COL15A1: variants seen among roughly 807,000 people sequenced by gnomAD.
COL15A1 encodes the protein collagen alpha-1(XV) chain.
In COL15A1, 111 loss-of-function variants were observed where a neutral mutation model predicts 165.9. The ratio of observed to expected loss-of-function variants is 0.67; its 90% CI spans 0.57 to 0.78. The LOEUF is 0.78. Ranked by LOEUF, COL15A1 falls within the 30% of genes least tolerant of loss-of-function variation. COL15A1 has a pLI of 0.00. For synonymous variants in COL15A1, 659 were observed against 674.8 expected, an observed-to-expected ratio of 0.98 and a Z score of 0.36; for missense variants, 1,745 against 1,789.7, an observed-to-expected ratio of 0.98 and a Z score of 0.45.
In COL15A1 at chr9:98,998,179, A is replaced by G. The variant is rs144802579; in HGVS notation, c.952+1098A>G. ...TCACATATTAGACGTAATATTCATC[A>G]AAATGTTATAAGCAGTTATCTCTGA... On this transcript the variant is annotated intron_variant, in intron 6 of 41. Coordinates refer to ENST00000375001, the MANE Select transcript of COL15A1 (RefSeq NM_001855.5). Among the ~76,000 whole-genome samples, 307 of 152,372 alleles carry G rather than the reference A, an allele frequency of 2.0e-3. 1 individual carries two copies. The highest frequency in any genetic ancestry group is 6.6e-3 in the African/African-American group (276 of 41,590).
chr9:99,051,729 A>G (rs1021059890), intron 30 of COL15A1, among the ~76,000 whole-genome samples: 1 of 152,174 alleles, frequency 6.6e-6, no homozygotes, highest in African/African-American at 2.4e-5. Flanking sequence ...CATACGGATG[A>G]CTTTGATTCT....
chr9:99,054,104 G>A (rs374725339), intron 31 of COL15A1, among the ~76,000 whole-genome samples: 2 of 152,230 alleles, frequency 1.3e-5, no homozygotes, highest in African/African-American at 2.4e-5. Flanking sequence ...AACTTTGTAC[G>A]TAGAAAACTT....
In COL15A1 at chr9:98,986,916, C is replaced by T. The variant is rs1411995987; in HGVS notation, c.649-378C>T. ...GAGGCTGTGGTAGCCCTTCTTGGGACGAGGCCTTCAAACTCAGAAGCATTG... is the reference window on the plus strand; with the variant it reads ...GAGGCTGTGGTAGCCCTTCTTGGGATGAGGCCTTCAAACTCAGAAGCATTG... On this transcript the variant is annotated intron_variant, in intron 3 of 41. Transcript: ENST00000375001. Among the ~76,000 whole-genome samples, 15 of 152,010 alleles carry T rather than the reference C, an allele frequency of 9.9e-5. No homozygotes were observed. In the South Asian group the frequency reaches 1.5e-3, roughly 15 times the overall value.
chr9:98,945,945 C>T (rs1345350692), intron 2 of COL15A1, among the ~76,000 whole-genome samples: 4 of 152,106 alleles, frequency 2.6e-5, no homozygotes, highest in Non-Finnish European at 4.4e-5. Flanking sequence ...CAAAGGAAGC[C>T]CTATTCCCAT....
chr9:98,964,405 TC>T (rs1485859031), intron 2 of COL15A1, among the ~76,000 whole-genome samples: 1 of 152,244 alleles, frequency 6.6e-6, no homozygotes, highest in Admixed American at 6.5e-5. Flanking sequence ...CACCATCTGT[TC>T]TGGCTGTTCC....
intron 5 of COL15A1, among the ~76,000 whole-genome samples, chr9:98,990,905 G>A (rs1221520426): frequency 1.3e-5 from 2 of 152,170 alleles, no homozygotes; most frequent in East Asian, 3.8e-4. Flanking sequence ...TGTGTCTGGA[G>A]TTTGTTCCTT....
At chr9:99,000,972 A>C in intron 7 of COL15A1, 21 bp downstream of exon 7, 1 of 1,077,798 alleles carries the variant, frequency 9.3e-7, no homozygotes, top group Non-Finnish European at 1.4e-6. Context: ...GGTAAATTTC[A>C]TTTGATTAGT....
chr9:99,036,438 C>G (rs1248771762), intron 21 of COL15A1, 42 bp downstream of exon 21: 1 of 1,603,438 alleles, frequency 6.2e-7, no homozygotes. Flanking sequence ...ATATTTTCCA[C>G]CTTTGCCAAA....
chr9:99,031,352 C>A (rs558091306), intron 16 of COL15A1, among the ~76,000 whole-genome samples: 97 of 152,284 alleles, frequency 6.4e-4, no homozygotes, highest in South Asian at 2.1e-3. Context: ...CCCACGCATG[C>A]CCCCAGGTGA....
chr9:99,015,621 A>G (rs535699526), intron 10 of COL15A1, 55 bp downstream of exon 10: 11 of 1,549,740 alleles, frequency 7.1e-6, no homozygotes, highest in Non-Finnish European at 9.7e-6. Flanking sequence ...GGTCTGCATC[A>G]TGCGACAACA....
intron 23 of COL15A1, chr9:99,041,155 C>A (rs1352239112): frequency 2.0e-5 from 3 of 152,656 alleles, no homozygotes; most frequent in Non-Finnish European, 2.9e-5. Context: ...ACATTCCAGG[C>A]CACTGACCTT....
chr9:98,967,557 A>G (rs946048088), intron 2 of COL15A1, among the ~76,000 whole-genome samples: 11 of 152,196 alleles, frequency 7.2e-5, no homozygotes, highest in African/African-American at 2.4e-4. Flanking sequence ...AGTGGGATCT[A>G]GTGATTCAGG....
chr9:99,009,126 A>G (rs1034667507), intron 9 of COL15A1, among the ~76,000 whole-genome samples: 4 of 152,202 alleles, frequency 2.6e-5, no homozygotes, highest in Non-Finnish European at 5.9e-5. Context: ...TAACATTACA[A>G]TCTTCAAAAC....
chr9:98,981,016 C>A (rs572340532), intron 2 of COL15A1, among the ~76,000 whole-genome samples: 13 of 152,294 alleles, frequency 8.5e-5, no homozygotes, highest in Non-Finnish European at 1.8e-4. Flanking sequence ...TGTGGAATTA[C>A]CTGCACAGGT....
Position 99,024,920 on chromosome 9 carries a change from G to C in COL15A1, c.1901G>C (p.Gly634Ala), listed in dbSNP as rs148743706. 1 of 1,614,078 alleles carries C rather than the reference G, an allele frequency of 6.2e-7. No individual in the cohort carries two copies. The highest frequency in any genetic ancestry group is 1.3e-5 in the African/African-American group (1 of 75,060). ...PGPPGLPGIP[G>A]KPGTDVFMGP... ...CCACCTGGCTTACCTGGGATTCCAG[G>C]AAAACCAGGAACTGATGTTTTCATG... The change falls in exon 15 of 42, where the codon GGA (glycine) becomes GCA (alanine). Residue 634 changes from glycine to alanine, a missense_variant. Transcript: ENST00000375001.
chr9:99,005,060 G>A lies in COL15A1; in HGVS notation c.1353+10G>A, dbSNP rs754507271. ...GGAAGAGGCCACTGTGGTAAGGATC[G>A]TACAGTGCCCAAAGGTTGAGGTCAT... On this transcript the variant is annotated intron_variant, in intron 9 of 41. Transcript: ENST00000375001. 18 of 1,585,090 alleles carry A rather than the reference G, an allele frequency of 1.1e-5. No individual in the cohort carries two copies. Among genetic ancestry groups the A allele is most frequent in the Admixed American group, 5.4e-5 (3 of 56,054 alleles).
At chr9:99,024,344 G>C (rs188491582) in intron 14 of COL15A1, among the ~76,000 whole-genome samples, 2 of 147,854 alleles carry the variant, frequency 1.4e-5, no homozygotes, top group Admixed American at 6.8e-5. Flanking sequence ...GCAGTGGCGC[G>C]GTCTCGGCTC....
At chr9:98,992,413 G>A (rs1472933734) in intron 5 of COL15A1, among the ~76,000 whole-genome samples, 10 of 152,308 alleles carry the variant, frequency 6.6e-5, no homozygotes, top group Admixed American at 2.0e-4. Flanking sequence ...GGGGCCCGCC[G>A]AGCCCACGCC....
intron 40 of COL15A1, among the ~76,000 whole-genome samples, chr9:99,067,765 C>A (rs897167734): frequency 6.6e-6 from 1 of 152,170 alleles, no homozygotes; most frequent in Non-Finnish European, 1.5e-5. Context: ...CCTCCTCTCC[C>A]AGAATTCTGT....
Sources: allele counts gnomAD v4.1 joint callset (sites outside exome capture counted in the v4.1 genomes callset), GRCh38; gene constraint gnomAD v4.1.1; transcripts MANE v1.5; gene names NCBI Gene and HGNC (gene_info 2026-07-23, HGNC 2026-07-21).